FAM184A: variants seen among roughly 807,000 people sequenced by gnomAD.
FAM184A encodes the protein family with sequence similarity 184 member A.
In FAM184A, 99 loss-of-function variants were observed where a neutral mutation model predicts 143.8. That is an observed-to-expected ratio of 0.69 (90% CI 0.58 to 0.81). FAM184A has a LOEUF of 0.81. Among genes scored for constraint, FAM184A ranks in the 40% least tolerant of loss-of-function variants. The pLI, the probability that FAM184A is intolerant of heterozygous loss-of-function variation, is 0.00. For missense variants in FAM184A, 1,217 were observed against 1,310.5 expected (o/e 0.93, Z 1.10); for synonymous variants, 427 against 446.4 (o/e 0.96, Z 0.55).
chr6:119,059,825 TTGAG>T (rs1787155269), intron 1 of FAM184A, among the ~76,000 whole-genome samples: 2 of 152,356 alleles, frequency 1.3e-5, no homozygotes, highest in East Asian at 1.9e-4. Context: ...AATGGCTATA[TTGAG>T]TTTTATATAT....
At chr6:119,092,385 C>A (rs1788393810) in intron 1 of FAM184A, among the ~76,000 whole-genome samples, 1 of 152,166 alleles carries the variant, frequency 6.6e-6, no homozygotes, top group South Asian at 2.1e-4. Context: ...AATCCTCCCA[C>A]CTTGGCTTCA....
chr6:118,964,813 G>T, intron 15 of FAM184A, 42 bp from the exon 16 acceptor site: 3 of 1,066,812 alleles, frequency 2.8e-6, no homozygotes, highest in South Asian at 3.0e-5. Context: ...TATTTTCTAT[G>T]GAATATTTTA....
intron 3 of FAM184A, 76 bp downstream of exon 3, chr6:119,022,867 ACT>A (rs914110960): frequency 7.8e-6 from 12 of 1,545,504 alleles, no homozygotes; most frequent in African/African-American, 6.8e-5. Context: ...ACAGAGCAAG[ACT>A]CTGTCTCCAA....
At chr6:118,981,913 C>A (rs1170989833) in intron 9 of FAM184A, among the ~76,000 whole-genome samples, 1 of 152,186 alleles carries the variant, frequency 6.6e-6, no homozygotes, top group East Asian at 1.9e-4. Context: ...TCTACAAAAA[C>A]CTAAGGTTTC....
chr6:119,010,878 T>A (rs188741726), intron 6 of FAM184A, among the ~76,000 whole-genome samples: 1 of 152,278 alleles, frequency 6.6e-6, no homozygotes, highest in African/African-American at 2.4e-5. Context: ...ACTTCCCTCT[T>A]TTCTCCTCTT....
At chr6:118,962,411 A>C (rs1282121635) in intron 16 of FAM184A, 2 of 157,160 alleles carry the variant, frequency 1.3e-5, no homozygotes, top group Non-Finnish European at 2.8e-5. Flanking sequence ...CCATCTGTCA[A>C]AGGGAGGCAG....
rs746231398 is a variant in FAM184A at position 119,023,091 on chromosome 6, TTAAA to T, written c.1015-15_1015-12del. On this transcript the variant is annotated splice_polypyrimidine_tract_variant and intron_variant, in intron 2 of 17. Coordinates refer to ENST00000338891, the MANE Select transcript of FAM184A (RefSeq NM_024581.6). The stretch of plus-strand genomic sequence containing the variant: ...CTGTTTTTGAAGAACCTAAGAAAGA[TTAAA>T]TAGCCATTGTTAAAATGCAGGAATA... 428 of 1,613,712 alleles carry T rather than the reference TTAAA, an allele frequency of 2.7e-4. 8 individuals carry two copies. In the East Asian group the frequency reaches 9.4e-3, roughly 36 times the overall value.
intron 1 of FAM184A, chr6:119,031,626 CATT>C (rs1317831783): frequency 2.0e-5 from 3 of 152,174 alleles, no homozygotes; most frequent in Non-Finnish European, 4.4e-5. Flanking sequence ...AAATCTAACT[CATT>C]AGTCATAAGA....
Position 119,078,055 on chromosome 6 carries a change from G to A in FAM184A, c.159+86C>T. 1.4e-6 allele frequency: 2 copies of A among 1,445,258 alleles called. No homozygotes were observed. The highest frequency in any genetic ancestry group is 1.8e-6 in the Non-Finnish European group (2 of 1,082,032). 89.5% of individuals were successfully genotyped at this position (1,445,258 alleles called of 1,614,324 possible). A position where few individuals can be genotyped will look rare whatever the true frequency, so the allele number is the denominator to read the frequency against. On this transcript the variant is annotated intron_variant, in intron 1 of 17. Transcript: ENST00000338891. This position sits in a 1 kb window ranked among gnomAD's most constrained non-coding sequence, Gnocchi z 5.5. Reference sequence around the variant, plus strand: ...GAGTAGAGTTCCCCTCGCTGCGGGCGCAGGGCGCACTGCCTCCCGGGGAGA... The same window carrying A: ...GAGTAGAGTTCCCCTCGCTGCGGGCACAGGGCGCACTGCCTCCCGGGGAGA...
chr6:119,112,199 T>G (rs2114849434), intron 1 of FAM184A, among the ~76,000 whole-genome samples: 1 of 152,090 alleles, frequency 6.6e-6, no homozygotes, highest in South Asian at 2.1e-4. Flanking sequence ...TGGCGCAATC[T>G]CGGCTCATCA....
At chr6:119,023,158 A>C in intron 2 of FAM184A, 78 bp from the exon 3 acceptor site, 5 of 1,490,366 alleles carry the variant, frequency 3.4e-6, no homozygotes, top group Non-Finnish European at 4.6e-6. Flanking sequence ...TATAAGGGTC[A>C]GCTTTCTCTT....
chr6:119,039,426 G>A (rs992203292), intron 1 of FAM184A, among the ~76,000 whole-genome samples: 3 of 152,196 alleles, frequency 2.0e-5, no homozygotes, highest in African/African-American at 7.2e-5. Context: ...CCAGACGATG[G>A]AATATTATTC....
chr6:119,026,739 A>C (rs1364203562), intron 1 of FAM184A, among the ~76,000 whole-genome samples: 1 of 152,176 alleles, frequency 6.6e-6, no homozygotes, highest in East Asian at 1.9e-4. Flanking sequence ...AAACAACATC[A>C]TGTGATACTA....
In FAM184A at chr6:119,024,253, T is replaced by C. The variant is rs1785553714; in HGVS notation, c.720A>G (p.Glu240=). 5.6e-6 allele frequency: 9 copies of C among 1,614,084 alleles called. No individual in the cohort carries two copies. The South Asian group carries it at 7.7e-5, about 14-fold the overall frequency. ...LNKMLEELRL[E]RKKLIEDYEG... ...CATAATCCTCAATTAGTTTCTTCCG[T>C]TCAAGTCTTAGCTCCTCAAGCATTT... Residue 240 remains glutamate, a synonymous_variant, in exon 2 of 18, where the codon GAA becomes GAG. Coordinates refer to ENST00000338891, the MANE Select transcript of FAM184A (RefSeq NM_024581.6).
At chr6:119,085,679 G>C (rs745869694) in intron 1 of FAM184A, among the ~76,000 whole-genome samples, 9 of 152,124 alleles carry the variant, frequency 5.9e-5, no homozygotes, top group Admixed American at 2.0e-4. Context: ...TTCTGCATTA[G>C]TCTATTCTTA....
intron 1 of FAM184A, among the ~76,000 whole-genome samples, chr6:119,141,499 T>A (rs745913047): frequency 2.3e-4 from 35 of 150,312 alleles, no homozygotes; most frequent in Non-Finnish European, 4.2e-4. Flanking sequence ...ATTTTATTTT[T>A]TTTGAGACAG....
chr6:119,036,652 T>TCAA (rs1239505505), intron 1 of FAM184A, among the ~76,000 whole-genome samples: 1 of 152,102 alleles, frequency 6.6e-6, no homozygotes, highest in Non-Finnish European at 1.5e-5. Flanking sequence ...CTACCATACT[T>TCAA]CAACAACAAC....
intron 1 of FAM184A, among the ~76,000 whole-genome samples, chr6:119,112,606 C>T (rs1297292408): frequency 6.6e-6 from 1 of 152,172 alleles, no homozygotes; most frequent in African/African-American, 2.4e-5. Context: ...TTTCCACCCC[C>T]ACACTTGCAA....
At position 118,980,211 on chromosome 6, in the gene FAM184A, C is replaced by T; in HGVS notation, c.2228G>A (p.Arg743Lys). 6.2e-7 allele frequency: 1 copy of T among 1,614,106 alleles called. No individual in the cohort carries two copies. Among genetic ancestry groups the T allele is most frequent in the Non-Finnish European group, 8.5e-7 (1 of 1,180,012 alleles). ...LEELEEQHQQRHKSLKEAHVL... is the reference protein window; with the variant it reads ...LEELEEQHQQKHKSLKEAHVL... ...ATGTGCTTCTTTTAATGATTTGTGT[C>T]TTTGCTGATGTTGCTCCTCTAATTC... Residue 743 changes from arginine to lysine, a missense_variant, in exon 10 of 18, where the codon AGA (arginine) becomes AAA (lysine). By Grantham distance (26) the Arg-to-Lys change is conservative (BLOSUM62 2). Transcript: ENST00000338891.
Sources: gnomAD v4.1 joint callset for allele counts (sites outside exome capture counted in the v4.1 genomes callset) on GRCh38, gnomAD v4.1.1 for gene constraint, Gnocchi (gnomAD v3.1) non-coding constraint, MANE v1.5 for transcripts, NCBI Gene and HGNC (gene_info 2026-07-23, HGNC 2026-07-21) for gene names.